The following HS3ST4 variants were observed in gnomAD, a reference collection of about 807,000 sequenced individuals.
The protein encoded by HS3ST4 is heparan sulfate-glucosamine 3-sulfotransferase 4.
HS3ST4 carries 17 observed loss-of-function variants against 29.2 expected under a neutral mutation model. That is an observed-to-expected ratio of 0.58 (90% CI 0.40 to 0.87). The LOEUF (loss-of-function observed/expected upper bound fraction) is 0.87. HS3ST4 is among the 40% of genes least tolerant of loss of function. The probability of loss-of-function intolerance (pLI) is 0.00; values close to 1 mark genes in which losing one functional copy is unlikely to be tolerated. For missense variants in HS3ST4, 627 were observed against 634.5 expected (o/e 0.99, Z 0.13); for synonymous variants, 314 against 285.7 (o/e 1.10, Z -1.00).
chr16:25,857,969 T>TTTCC (rs1967598180), intron 1 of HS3ST4, among the ~76,000 whole-genome samples: 1 of 52,690 alleles, frequency 1.9e-5, no homozygotes. Flanking sequence ...TCTTTCTTTC[T>TTTCC]TTCTCTTTTC....
chr16:25,909,161 GA>G (rs899740851), intron 1 of HS3ST4, among the ~76,000 whole-genome samples: 1 of 152,172 alleles, frequency 6.6e-6, no homozygotes, highest in African/African-American at 2.4e-5. Flanking sequence ...GTAGGTCTGG[GA>G]TGGGGCTGGA....
chr16:26,058,204 C>T (rs1186928285), intron 1 of HS3ST4, among the ~76,000 whole-genome samples: 1 of 152,144 alleles, frequency 6.6e-6, no homozygotes, highest in Non-Finnish European at 1.5e-5. Flanking sequence ...ATTTAATTTC[C>T]TCATCTGTTG....
chr16:25,755,474 G>T (rs1445644560), intron 1 of HS3ST4, among the ~76,000 whole-genome samples: 1 of 152,182 alleles, frequency 6.6e-6, no homozygotes, highest in Admixed American at 6.5e-5. Flanking sequence ...GGAGAGGTTT[G>T]AGGGTGAATG....
At chr16:25,796,857 C>T (rs1053051594) in intron 1 of HS3ST4, among the ~76,000 whole-genome samples, 21 of 152,162 alleles carry the variant, frequency 1.4e-4, no homozygotes, top group African/African-American at 4.8e-4. Context: ...GTAACTTTTG[C>T]CATGGCAAGG....
chr16:25,722,954 G>A (rs1966507601), intron 1 of HS3ST4, among the ~76,000 whole-genome samples: 1 of 152,174 alleles, frequency 6.6e-6, no homozygotes, highest in Admixed American at 6.5e-5. Context: ...GGCTGAGGAG[G>A]CCTCACAATC....
At chr16:25,711,176 C>G (rs1337673352) in intron 1 of HS3ST4, among the ~76,000 whole-genome samples, 1 of 151,950 alleles carries the variant, frequency 6.6e-6, no homozygotes, top group Admixed American at 6.6e-5. Flanking sequence ...CCATGAAAGA[C>G]TTTGGCGATG....
At chr16:25,957,763 T>C (rs1968751052) in intron 1 of HS3ST4, among the ~76,000 whole-genome samples, 1 of 152,196 alleles carries the variant, frequency 6.6e-6, no homozygotes, top group African/African-American at 2.4e-5. Flanking sequence ...ACAAAACTTC[T>C]ACCATGAATA....
At chr16:25,907,557 G>A (rs1382227559) in intron 1 of HS3ST4, among the ~76,000 whole-genome samples, 4 of 152,126 alleles carry the variant, frequency 2.6e-5, no homozygotes, top group Admixed American at 6.5e-5. Context: ...AGACTTAGCC[G>A]CCTGCCATGG....
intron 1 of HS3ST4, among the ~76,000 whole-genome samples, chr16:25,883,896 C>A (rs1476859292): frequency 1.3e-5 from 2 of 152,096 alleles, no homozygotes; most frequent in African/African-American, 4.8e-5. Context: ...AGGTGGATCA[C>A]TTGGGGTCAG....
chr16:26,085,406 A>C (rs907877539), intron 1 of HS3ST4, among the ~76,000 whole-genome samples: 2 of 152,240 alleles, frequency 1.3e-5, no homozygotes, highest in Non-Finnish European at 2.9e-5. Context: ...ATTAGTGAAC[A>C]ACATAGACCA....
chr16:26,039,067 C>G (rs1436230859), intron 1 of HS3ST4, among the ~76,000 whole-genome samples: 1 of 152,172 alleles, frequency 6.6e-6, no homozygotes, highest in Non-Finnish European at 1.5e-5. Context: ...TTATCTCCAT[C>G]TGACATCACT....
intron 1 of HS3ST4, among the ~76,000 whole-genome samples, chr16:25,797,493 G>A (rs1352213228): frequency 6.6e-6 from 1 of 152,162 alleles, no homozygotes; most frequent in African/African-American, 2.4e-5. Context: ...ATACATGCGA[G>A]GGGCTTAGGA....
intron 1 of HS3ST4, among the ~76,000 whole-genome samples, chr16:25,856,998 A>G (rs1288738478): frequency 2.6e-5 from 4 of 152,142 alleles, no homozygotes; most frequent in East Asian, 3.9e-4. Context: ...CCGAAGTAGG[A>G]CACAGTTTTG....
chr16:26,130,363 G>A (rs1247213329), intron 1 of HS3ST4, among the ~76,000 whole-genome samples: 1 of 152,180 alleles, frequency 6.6e-6, no homozygotes, highest in Admixed American at 6.5e-5. Context: ...CACCTACTTA[G>A]ATGAGCCATG....
Position 25,945,022 on chromosome 16 carries a change from A to G in HS3ST4, c.735-190590A>G, listed in dbSNP as rs1968611485. On this transcript the variant is annotated intron_variant, in intron 1 of 1. Transcript: ENST00000331351. The stretch of plus-strand genomic sequence containing the variant: ...TATCCTCTGTGGAAAACAAAACAAA[A>G]CAAAACAGAATATTAGATAGTGCTA... 2.0e-5 allele frequency among the ~76,000 whole-genome samples: 3 copies of G among 152,198 alleles called. No homozygotes were observed. In the South Asian group the frequency reaches 6.2e-4, roughly 31 times the overall value.
chr16:25,920,776 G>T (rs1596614555), intron 1 of HS3ST4, among the ~76,000 whole-genome samples: 1 of 147,378 alleles, frequency 6.8e-6, no homozygotes. Context: ...TGATTTTTGT[G>T]TTCTATTTTT....
intron 1 of HS3ST4, among the ~76,000 whole-genome samples, chr16:25,721,577 T>C (rs1966496376): frequency 6.6e-6 from 1 of 152,204 alleles, no homozygotes; most frequent in Non-Finnish European, 1.5e-5. Context: ...ATGGCCCAGT[T>C]GACCATCACA....
chr16:25,835,469 T>C (rs1259326126), intron 1 of HS3ST4, among the ~76,000 whole-genome samples: 1 of 147,188 alleles, frequency 6.8e-6, no homozygotes, highest in Non-Finnish European at 1.5e-5. Context: ...GGGGATATTA[T>C]TATTCCTCAG....
intron 1 of HS3ST4, among the ~76,000 whole-genome samples, chr16:26,087,414 C>T (rs961070005): frequency 1.3e-5 from 2 of 152,188 alleles, no homozygotes; most frequent in African/African-American, 4.8e-5. Flanking sequence ...TGGGATTCAC[C>T]CAAGCCAAGG....
Sources: gnomAD v4.1 joint callset for allele counts (sites outside exome capture counted in the v4.1 genomes callset) on GRCh38, gnomAD v4.1.1 for gene constraint, MANE v1.5 for transcripts, NCBI Gene and HGNC (gene_info 2026-07-23, HGNC 2026-07-21) for gene names.